LIPI: variants seen among roughly 807,000 people sequenced by gnomAD.
LIPI encodes lipase member I.
Under a neutral mutation model 50.6 loss-of-function variants are expected in LIPI, and 59 were observed. The ratio of observed to expected loss-of-function variants is 1.16; its 90% confidence interval spans 0.94 to 1.45. LIPI has a LOEUF of 1.45. Among genes scored for constraint, LIPI ranks in the 40% most tolerant of loss-of-function variants. The pLI, the probability that LIPI is intolerant of heterozygous loss-of-function variation, is 0.00. For missense variants in LIPI, 586 were observed against 536.3 expected, an observed-to-expected ratio of 1.09 and a Z score of -0.92; for synonymous variants, 203 against 178.2, an observed-to-expected ratio of 1.14 and a Z score of -1.11.
At chr21:14,113,661 A>T (rs2016503811) in intron 9 of LIPI, among the ~76,000 whole-genome samples, 1 of 152,200 alleles carries the variant, frequency 6.6e-6, no homozygotes, top group African/African-American at 2.4e-5. Context: ...ATAGCTGGAA[A>T]TTTAGATGAA....
At chr21:14,192,122 G>A (rs937375041) in intron 1 of LIPI, among the ~76,000 whole-genome samples, 3 of 151,698 alleles carry the variant, frequency 2.0e-5, no homozygotes, top group Admixed American at 6.6e-5. Context: ...TCATATAGTC[G>A]ATTTCATCAG....
intron 9 of LIPI, among the ~76,000 whole-genome samples, chr21:14,123,169 T>C (rs895532980): frequency 6.6e-6 from 1 of 152,186 alleles, no homozygotes; most frequent in Non-Finnish European, 1.5e-5. Flanking sequence ...ACCCCTATCA[T>C]TGGAAGATAC....
At chr21:14,116,431 G>A (rs905370854) in intron 9 of LIPI, among the ~76,000 whole-genome samples, 1 of 152,158 alleles carries the variant, frequency 6.6e-6, no homozygotes, top group Non-Finnish European at 1.5e-5. Flanking sequence ...TGGTGAATCT[G>A]AGAGTGAAAG....
intron 1 of LIPI, among the ~76,000 whole-genome samples, chr21:14,194,393 A>T (rs2019774727): frequency 6.6e-6 from 1 of 151,650 alleles, no homozygotes; most frequent in African/African-American, 2.4e-5. Context: ...TAAAAGGTGG[A>T]AGCCACACAA....
intron 9 of LIPI, 95 bp downstream of exon 9, chr21:14,144,528 T>C: frequency 1.5e-6 from 1 of 670,652 alleles, no homozygotes; most frequent in Non-Finnish European, 2.7e-6. Context: ...AATAAACAGA[T>C]ATTTGAATAC....
rs562801434 is a variant in LIPI, at chr21:14,191,109, TG to T, written c.47-1691del. On this transcript the variant is annotated intron_variant, in intron 1 of 9. Transcript: ENST00000681601. ...AAATACAAAAATTAGCCAGACATGG[TG>T]GTGCATGCCTGTAATCCCAGCTACT... Among the ~76,000 whole-genome samples the T allele has an allele frequency of 3.3e-5, 5 of 151,976 alleles. No homozygotes were observed. In the South Asian group the frequency reaches 8.3e-4, roughly 25 times the overall value.
At chr21:14,194,698 T>C (rs2019785826) in intron 1 of LIPI, among the ~76,000 whole-genome samples, 1 of 152,102 alleles carries the variant, frequency 6.6e-6, no homozygotes, top group Non-Finnish European at 1.5e-5. Context: ...GGGTACAGAA[T>C]TTGAGTTTTG....
chr21:14,165,123 A>C (rs972249677), intron 6 of LIPI, 100 bp downstream of exon 6: 7 of 887,554 alleles, frequency 7.9e-6, no homozygotes, highest in Middle Eastern at 3.3e-4. Flanking sequence ...ATGTATTAAC[A>C]AGTAAACAGA....
At chr21:14,147,619 G>T (rs1444240554) in intron 8 of LIPI, among the ~76,000 whole-genome samples, 1 of 152,146 alleles carries the variant, frequency 6.6e-6, no homozygotes, top group Admixed American at 6.5e-5. Context: ...TCCTAGCACA[G>T]ATCCGGGTCT....
chr21:14,149,310 A>C (rs927128504), intron 8 of LIPI, among the ~76,000 whole-genome samples: 2 of 152,176 alleles, frequency 1.3e-5, no homozygotes. Context: ...TATCAAGAGA[A>C]TAATATAGGG....
chr21:14,131,485 T>A (rs572277350), intron 9 of LIPI, among the ~76,000 whole-genome samples: 1 of 152,226 alleles, frequency 6.6e-6, no homozygotes, highest in Non-Finnish European at 1.5e-5. Flanking sequence ...CATACAAAAT[T>A]ATACTATCAC....
At chr21:14,185,799 C>T (rs766758787) in intron 3 of LIPI, among the ~76,000 whole-genome samples, 162 bp downstream of exon 3, 6 of 151,848 alleles carry the variant, frequency 4.0e-5, no homozygotes, top group Non-Finnish European at 7.4e-5. Context: ...AGGAGAATCA[C>T]TTAAGCCCAC....
chr21:14,186,094 T>A (rs935172684), intron 2 of LIPI, 25 bp from the exon 3 acceptor site: 5 of 1,228,472 alleles, frequency 4.1e-6, no homozygotes, highest in Middle Eastern at 1.9e-4. Flanking sequence ...AAAGGCAATA[T>A]TACAGTATTC....
At chr21:14,161,719 T>TGTATA (rs1568858503) in intron 7 of LIPI, among the ~76,000 whole-genome samples, 3 of 90,994 alleles carry the variant, frequency 3.3e-5, no homozygotes, top group Non-Finnish European at 5.8e-5. Flanking sequence ...TATATATTAA[T>TGTATA]ATATAATATA....
chr21:14,189,674 A>G (rs1385580047), intron 1 of LIPI, among the ~76,000 whole-genome samples: 1 of 152,216 alleles, frequency 6.6e-6, no homozygotes, highest in African/African-American at 2.4e-5. Context: ...TGTACAAAAT[A>G]TAATAGTAAT....
chr21:14,177,273 G>A (rs151308920), intron 4 of LIPI, among the ~76,000 whole-genome samples: 219 of 151,902 alleles, frequency 1.4e-3, no homozygotes, highest in African/African-American at 4.9e-3. Context: ...CCATTTGGAG[G>A]ATAATATTTG....
chr21:14,152,714 A>C, intron 7 of LIPI, 30 bp from the exon 8 acceptor site: 6 of 1,140,318 alleles, frequency 5.3e-6, no homozygotes, highest in South Asian at 1.3e-5. Context: ...AATACAACTC[A>C]CATTATTTTT....
At chr21:14,205,961 G>A (rs896168037) in intron 1 of LIPI, among the ~76,000 whole-genome samples, 5 of 152,070 alleles carry the variant, frequency 3.3e-5, no homozygotes, top group Non-Finnish European at 7.4e-5. Context: ...GGAAGATAAT[G>A]ACTCTAGCAG....
At chr21:14,119,090 C>A (rs2016765560) in intron 9 of LIPI, among the ~76,000 whole-genome samples, 1 of 152,188 alleles carries the variant, frequency 6.6e-6, no homozygotes, top group South Asian at 2.1e-4. Context: ...CTTCTGCATC[C>A]AATTAGCCCC....
Sources: allele counts gnomAD v4.1 joint callset (sites outside exome capture counted in the v4.1 genomes callset), GRCh38; gene constraint gnomAD v4.1.1; transcripts MANE v1.5; gene names NCBI Gene and HGNC (gene_info 2026-07-23, HGNC 2026-07-21).